Variants in MINDY2 observed in about 807,000 individuals in gnomAD.
MINDY2 encodes the protein ubiquitin carboxyl-terminal hydrolase MINDY-2.
Under a neutral mutation model 68.2 loss-of-function variants are expected in MINDY2, and 52 were observed. That is an observed-to-expected ratio of 0.76 (90% CI 0.61 to 0.96). MINDY2 has a LOEUF of 0.96. MINDY2 is among the 40% of genes least tolerant of loss of function. The pLI, the probability that MINDY2 is intolerant of heterozygous loss-of-function variation, is 0.00. For missense variants in MINDY2, 881 were observed against 773.4 expected (o/e 1.14, Z -1.65); for synonymous variants, 372 against 303.0 (o/e 1.23, Z -2.36).
intron 5 of MINDY2, among the ~76,000 whole-genome samples, chr15:58,826,595 C>T (rs957556143): frequency 6.6e-5 from 10 of 152,132 alleles, no homozygotes; most frequent in African/African-American, 2.2e-4. Flanking sequence ...CCTGTAAATG[C>T]TTCATCATTT....
In MINDY2 at chr15:58,860,868, T is replaced by C. The variant is rs1345766608; in HGVS notation, c.*6258T>C. Reference sequence around the variant, plus strand: ...AAATAAGCAGTTTTTTCAGGGTACATAGGGTATCTTTGTTTTACAGATTTT... The same window carrying C: ...AAATAAGCAGTTTTTTCAGGGTACACAGGGTATCTTTGTTTTACAGATTTT... On this transcript the variant is annotated 3_prime_UTR_variant, in exon 9 of 9. Transcript: ENST00000559228. The C allele has an allele frequency of 6.6e-6, 1 of 152,194 alleles. No individual in the cohort carries two copies. Among genetic ancestry groups the C allele is most frequent in the Non-Finnish European group, 1.5e-5 (1 of 68,040 alleles). The allele number at this position is 152,194 out of a possible 1,614,324, so 9.4% of individuals were successfully genotyped here. A position where few individuals can be genotyped will look rare whatever the true frequency, so the allele number is the denominator to read the frequency against.
intron 1 of MINDY2, among the ~76,000 whole-genome samples, chr15:58,778,046 G>A (rs1014139935): frequency 1.3e-5 from 2 of 152,162 alleles, no homozygotes; most frequent in Non-Finnish European, 2.9e-5. Flanking sequence ...AGTTAAGCCA[G>A]AAGGTATATA....
Position 58,783,676 on chromosome 15 carries a change from G to C in MINDY2, c.841-4230G>C, listed in dbSNP as rs1300951094. Among the ~76,000 whole-genome samples, 6 of 152,146 alleles carry C rather than the reference G, an allele frequency of 3.9e-5. 1 individual carries two copies. Among genetic ancestry groups the C allele is most frequent in the Admixed American group, 3.3e-4 (5 of 15,268 alleles). ...GGTCCGGGCATGGTGGCTTACACCC[G>C]TAATCCCAGCACTTCAGGAGGCTGA... On this transcript the variant is annotated intron_variant, in intron 1 of 8. Transcript: ENST00000559228.
At chr15:58,839,834 T>C (rs1022966229) in intron 6 of MINDY2, among the ~76,000 whole-genome samples, 3 of 151,912 alleles carry the variant, frequency 2.0e-5, no homozygotes, top group Admixed American at 1.3e-4. Flanking sequence ...TTTATCTTTT[T>C]TTTTTTTTTT....
intron 8 of MINDY2, among the ~76,000 whole-genome samples, chr15:58,853,327 G>A (rs2032924529): frequency 1.3e-5 from 2 of 152,122 alleles, no homozygotes. Context: ...GCCCTTTTAA[G>A]TCTCATAAAA....
intron 1 of MINDY2, among the ~76,000 whole-genome samples, chr15:58,786,706 G>A (rs1262902589): frequency 2.6e-5 from 4 of 152,240 alleles, no homozygotes; most frequent in South Asian, 2.1e-4. Context: ...CAAGAAGGTC[G>A]AAGAACAGAG....
At chr15:58,821,188 A>G (rs992049218) in intron 4 of MINDY2, among the ~76,000 whole-genome samples, 6 of 151,826 alleles carry the variant, frequency 4.0e-5, no homozygotes, top group African/African-American at 1.4e-4. Flanking sequence ...TTCTTCAGGA[A>G]AATAACATTA....
At position 58,861,649 on chromosome 15, in the gene MINDY2, C is replaced by T. The variant is rs2033221010; in HGVS notation, c.*7039C>T. 6.6e-6 allele frequency: 1 copy of T among 152,108 alleles called. No homozygotes were observed. The highest frequency in any genetic ancestry group is 2.4e-5 in the African/African-American group (1 of 41,428). 9.4% of individuals were successfully genotyped at this position (152,108 alleles called of 1,614,324 possible). A position where few individuals can be genotyped will look rare whatever the true frequency, so the allele number is the denominator to read the frequency against. ...ACAATGTCATCAGTTTCAAAACTTTCACTTTGGGAGGATATTCCTTAAAAG... is the reference window on the plus strand; with the variant it reads ...ACAATGTCATCAGTTTCAAAACTTTTACTTTGGGAGGATATTCCTTAAAAG... On this transcript the variant is annotated 3_prime_UTR_variant, in exon 9 of 9. Coordinates refer to ENST00000559228, the MANE Select transcript of MINDY2 (RefSeq NM_001040450.3).
rs572406282 is a variant in MINDY2 at position 58,781,857 on chromosome 15, G to A, written c.841-6049G>A. Among the ~76,000 whole-genome samples the A allele has an allele frequency of 4.8e-3, 724 of 151,842 alleles. 10 individuals are homozygous for A. Among genetic ancestry groups the A allele is most frequent in the African/African-American group, 0.017 (703 of 41,390 alleles). ...ACGGAGTTTGCAGTGAGCCAAGATC[G>A]TGCCACTGCACTCCAGCCTGGGTGA... On this transcript the variant is annotated intron_variant, in intron 1 of 8. Transcript: ENST00000559228.
chr15:58,831,902 A>G lies in MINDY2; in HGVS notation c.1354A>G (p.Met452Val). 1.2e-6 allele frequency: 2 copies of G among 1,612,520 alleles called. No individual in the cohort carries two copies. Among genetic ancestry groups the G allele is most frequent in the South Asian group, 2.2e-5 (2 of 90,652 alleles). The change falls in exon 6 of 9, where the codon ATG becomes GTG. Residue 452 changes from methionine (M) to valine (V), a missense_variant. Physicochemically the swap from Met to Val is conservative, Grantham distance 21. Transcript: ENST00000559228. ...CTTTCGGAATAATCATTTTAGCACC[A>G]TGACCAAATACAAGGTATGATATAG... is the stretch of plus-strand genomic sequence containing the variant. ...VFFRNNHFST[M>V]TKYKGQLYLL... is the part of the protein sequence containing the mutation.
chr15:58,833,638 C>T (rs1175722929), intron 6 of MINDY2, among the ~76,000 whole-genome samples: 1 of 152,150 alleles, frequency 6.6e-6, no homozygotes, highest in African/African-American at 2.4e-5. Flanking sequence ...AAGTGCTGTG[C>T]TGTTGATGTG....
intron 2 of MINDY2, among the ~76,000 whole-genome samples, chr15:58,797,635 T>G (rs2140943591): frequency 6.6e-6 from 1 of 152,338 alleles, no homozygotes; most frequent in South Asian, 2.1e-4. Context: ...CTGGACAGTG[T>G]TAAACTGTGC....
At chr15:58,776,449 T>G (rs1900778743) in intron 1 of MINDY2, among the ~76,000 whole-genome samples, 1 of 152,098 alleles carries the variant, frequency 6.6e-6, no homozygotes, top group Non-Finnish European at 1.5e-5. Context: ...ATTTGAGATG[T>G]GGAATGAGAA....
intron 6 of MINDY2, among the ~76,000 whole-genome samples, chr15:58,836,058 C>T (rs553317474): frequency 1.1e-4 from 16 of 152,072 alleles, no homozygotes; most frequent in East Asian, 7.8e-4. Context: ...TACAGGCGCC[C>T]GCCACCACAC....
At chr15:58,788,980 C>T (rs2140921690) in intron 2 of MINDY2, among the ~76,000 whole-genome samples, 1 of 152,050 alleles carries the variant, frequency 6.6e-6, no homozygotes, top group East Asian at 1.9e-4. Context: ...CCACTGCACT[C>T]CAGCCTGGGT....
intron 6 of MINDY2, among the ~76,000 whole-genome samples, chr15:58,838,852 A>T (rs914729208): frequency 6.6e-6 from 1 of 151,902 alleles, no homozygotes. Context: ...AAGAACTGAG[A>T]TTACAGGTGT....
intron 6 of MINDY2, among the ~76,000 whole-genome samples, chr15:58,846,962 A>T (rs1341857118): frequency 6.6e-6 from 1 of 152,140 alleles, no homozygotes; most frequent in Non-Finnish European, 1.5e-5. Flanking sequence ...TGTGACTGTA[A>T]TGTATTTTTC....
intron 6 of MINDY2, among the ~76,000 whole-genome samples, chr15:58,846,697 G>C (rs762979446): frequency 6.6e-6 from 1 of 151,586 alleles, no homozygotes; most frequent in Non-Finnish European, 1.5e-5. Context: ...TGCACGTACA[G>C]AGTTTATGTG....
At chr15:58,781,656 G>A (rs960592552) in intron 1 of MINDY2, among the ~76,000 whole-genome samples, 3 of 152,038 alleles carry the variant, frequency 2.0e-5, no homozygotes, top group African/African-American at 4.8e-5. Flanking sequence ...TGTAATCCCA[G>A]CACTTTGGGA....
Sources: allele counts gnomAD v4.1 joint callset (sites outside exome capture counted in the v4.1 genomes callset), GRCh38; gene constraint gnomAD v4.1.1; transcripts MANE v1.5; gene names NCBI Gene and HGNC (gene_info 2026-07-23, HGNC 2026-07-21).